XPO4: variants seen among roughly 807,000 people sequenced by gnomAD.
XPO4 encodes exportin-4.
In XPO4, 39 loss-of-function variants were observed where a neutral mutation model predicts 143.0. That is an observed-to-expected ratio of 0.27 (90% CI 0.21 to 0.36). The LOEUF is 0.36. Among genes scored for constraint, XPO4 ranks in the 10% least tolerant of loss-of-function variants. The pLI, the probability that XPO4 is intolerant of heterozygous loss-of-function variation, is 1.00. For synonymous variants in XPO4, 439 were observed against 474.0 expected (o/e 0.93, Z 0.96); for missense variants, 907 against 1,348.0 (o/e 0.67, Z 5.12).
chr13:20,796,974 C>T lies in XPO4; in HGVS notation c.2406G>A (p.Lys802=). Residue 802 remains lysine (K), a synonymous_variant, in exon 17 of 23, where the codon AAG becomes AAA. Coordinates refer to ENST00000255305, the MANE Select transcript of XPO4 (RefSeq NM_022459.5). ...FQQMCQQEEV[K]QEITATLEAL... is the part of the protein sequence containing the mutation. ...CCTCTAGTGTGGCAGTGATTTCCTG[C>T]TTGACTTCCTCTTGCTGACACATCT... The T allele has an allele frequency of 6.2e-7, 1 of 1,613,662 alleles. No homozygotes were observed. The highest frequency in any genetic ancestry group is 1.1e-5 in the South Asian group (1 of 90,966).
At chr13:20,837,559 C>T (rs1005277429) in intron 6 of XPO4, among the ~76,000 whole-genome samples, 3 of 152,070 alleles carry the variant, frequency 2.0e-5, no homozygotes, top group African/African-American at 4.8e-5. Context: ...GTGTGTGCCA[C>T]CATGCCTGGC....
intron 1 of XPO4, among the ~76,000 whole-genome samples, chr13:20,881,172 G>A (rs1266058676): frequency 6.6e-6 from 1 of 152,080 alleles, no homozygotes; most frequent in African/African-American, 2.4e-5. Context: ...CTATTTAATG[G>A]GTATATAGTT....
At position 20,830,381 on chromosome 13, in the gene XPO4, AATGCACACTTGTAATGCTCC is replaced by A. The variant is rs2059837964; in HGVS notation, c.728-3222_728-3203del. Among the ~76,000 whole-genome samples, 5 of 152,328 alleles carry A rather than the reference AATGCACACTTGTAATGCTCC, an allele frequency of 3.3e-5. No individual in the cohort carries two copies. The South Asian group carries it at 1.0e-3, about 32-fold the overall frequency. On this transcript the variant is annotated intron_variant, in intron 6 of 22. Transcript: ENST00000255305. ...GGCATGATGTTTGCCTTCTAACAAG[AATGCACACTTGTAATGCTCC>A]ATGCAAAGAGGCTACACTTACCTTC...
chr13:20,845,235 C>T (rs981200167), intron 4 of XPO4, among the ~76,000 whole-genome samples: 3 of 152,106 alleles, frequency 2.0e-5, no homozygotes, highest in African/African-American at 4.8e-5. Flanking sequence ...CTAAAACAAG[C>T]GTGACTATAT....
chr13:20,840,312 A>G (rs1428647704), intron 6 of XPO4, among the ~76,000 whole-genome samples: 1 of 151,980 alleles, frequency 6.6e-6, no homozygotes, highest in Non-Finnish European at 1.5e-5. Context: ...GGCTCAAGCA[A>G]TCCTCCTACC....
chr13:20,830,897 T>C (rs752030683), intron 6 of XPO4, among the ~76,000 whole-genome samples: 111 of 152,142 alleles, frequency 7.3e-4, no homozygotes, highest in Non-Finnish European at 3.4e-4. Flanking sequence ...CATGCATTAC[T>C]TTTCAATTTG....
At chr13:20,819,228 G>A (rs751885479) in intron 9 of XPO4, among the ~76,000 whole-genome samples, 44 of 152,304 alleles carry the variant, frequency 2.9e-4, no homozygotes, top group Non-Finnish European at 4.4e-4. Context: ...AAGTGAAGCA[G>A]CTTGCTTGAA....
chr13:20,833,707 T>C (rs987522039), intron 6 of XPO4, among the ~76,000 whole-genome samples: 2 of 151,996 alleles, frequency 1.3e-5, no homozygotes, highest in Admixed American at 1.3e-4. Flanking sequence ...AAAAATCATA[T>C]ACAACATGCA....
chr13:20,780,373 A>G lies in XPO4; in HGVS notation c.*3349T>C, dbSNP rs1191775953. On this transcript the variant is annotated 3_prime_UTR_variant, in exon 23 of 23. Transcript: ENST00000255305. ...CAAACTTGTAATCCTTGAAACTGAC[A>G]GCTAGTTCCCTTCAATACTTTAGGG... 1 of 152,216 alleles carries G rather than the reference A, an allele frequency of 6.6e-6. No homozygotes were observed. The highest frequency in any genetic ancestry group is 1.5e-5 in the Non-Finnish European group (1 of 68,034). The allele number at this position is 152,216 out of a possible 1,614,324, so 9.4% of individuals were successfully genotyped here.
At chr13:20,851,032 G>A in intron 4 of XPO4, 1 of 985,174 alleles carries the variant, frequency 1.0e-6, no homozygotes, top group Non-Finnish European at 1.2e-6. Context: ...CTAAATCAAT[G>A]TTCTGATCAG....
chr13:20,819,968 A>T (rs1004786209), intron 9 of XPO4, among the ~76,000 whole-genome samples: 2 of 152,212 alleles, frequency 1.3e-5, no homozygotes, highest in African/African-American at 2.4e-5. Flanking sequence ...ACTTCACCAC[A>T]CATCCCCAAC....
intron 6 of XPO4, among the ~76,000 whole-genome samples, chr13:20,836,332 T>C (rs1416260720): frequency 6.6e-6 from 1 of 152,122 alleles, no homozygotes; most frequent in Non-Finnish European, 1.5e-5. Flanking sequence ...TACCTATCGG[T>C]AACAGACGAT....
rs1318332573 is a variant in XPO4, at chr13:20,779,202, T to C, written c.*4520A>G. 1 of 152,618 alleles carries C rather than the reference T, an allele frequency of 6.6e-6. No individual in the cohort carries two copies. Among genetic ancestry groups the C allele is most frequent in the Non-Finnish European group, 1.5e-5 (1 of 68,042 alleles). The allele number at this position is 152,618 out of a possible 1,614,324, so 9.5% of individuals were successfully genotyped here. On this transcript the variant is annotated 3_prime_UTR_variant, in exon 23 of 23. Coordinates refer to ENST00000255305, the MANE Select transcript of XPO4 (RefSeq NM_022459.5). ...GCTGAGTGGTAGCAGTGCTAACATT[T>C]TTGTGACCATTAAACCACAAACTCA...
intron 3 of XPO4, chr13:20,857,884 T>C (rs1230096668): frequency 3.0e-6 from 3 of 985,236 alleles, no homozygotes; most frequent in Non-Finnish European, 1.2e-6. Context: ...TTTCACTGTA[T>C]ACAAATTTTA....
chr13:20,799,527 G>A (rs1042624309), intron 15 of XPO4, among the ~76,000 whole-genome samples, 188 bp from the exon 16 acceptor site: 2 of 152,166 alleles, frequency 1.3e-5, no homozygotes, highest in African/African-American at 4.8e-5. Context: ...GTTGTCTGGT[G>A]ATGTAAAATT....
chr13:20,803,708 AT>A lies in XPO4; in HGVS notation c.1818-2719del. Among the ~76,000 whole-genome samples the A allele has an allele frequency of 6.6e-6, 1 of 152,002 alleles. No homozygotes were observed. The highest frequency in any genetic ancestry group is 1.9e-4 in the East Asian group (1 of 5,166). On this transcript the variant is annotated intron_variant, in intron 13 of 22. Coordinates refer to ENST00000255305, the MANE Select transcript of XPO4 (RefSeq NM_022459.5). This position sits in a 1 kb window ranked among gnomAD's most constrained non-coding sequence, Gnocchi z 4.1. ...GCAACCTCCCTGCCTCTCCACCCTCATCCCCCCACCAAAGCTATCGCCCTGC... is the reference window on the plus strand; with the variant it reads ...GCAACCTCCCTGCCTCTCCACCCTCACCCCCCACCAAAGCTATCGCCCTGC...
At chr13:20,828,314 G>A (rs757614459) in intron 6 of XPO4, among the ~76,000 whole-genome samples, 14 of 152,096 alleles carry the variant, frequency 9.2e-5, no homozygotes, top group Non-Finnish European at 1.9e-4. Flanking sequence ...AAAATACTTC[G>A]ACTATGCAAC....
At chr13:20,862,380 GTAT>G (rs1161472850) in intron 3 of XPO4, among the ~76,000 whole-genome samples, 2 of 152,204 alleles carry the variant, frequency 1.3e-5, no homozygotes, top group East Asian at 3.9e-4. Flanking sequence ...TAAATAAAAG[GTAT>G]TATTTCATTA....
At chr13:20,878,393 T>C (rs61376651) in intron 1 of XPO4, among the ~76,000 whole-genome samples, 2 of 151,912 alleles carry the variant, frequency 1.3e-5, no homozygotes, top group Non-Finnish European at 2.9e-5. Context: ...CACAAAGATG[T>C]TCCTACAACA....
Sources: gnomAD v4.1 joint callset for allele counts (sites outside exome capture counted in the v4.1 genomes callset) on GRCh38, gnomAD v4.1.1 for gene constraint, Gnocchi (gnomAD v3.1) non-coding constraint, MANE v1.5 for transcripts, NCBI Gene and HGNC (gene_info 2026-07-23, HGNC 2026-07-21) for gene names.